The following DSCAML1 variants were observed in gnomAD, a reference collection of about 807,000 sequenced individuals.
DSCAML1 encodes DS cell adhesion molecule like 1.
In DSCAML1, 38 loss-of-function variants were observed where a neutral mutation model predicts 200.5. That is an observed-to-expected ratio of 0.19 (90% confidence interval 0.15 to 0.25). The LOEUF is 0.25. DSCAML1 is among the 10% of genes least tolerant of loss of function. The pLI, the probability that DSCAML1 is intolerant of heterozygous loss-of-function variation, is 1.00. For synonymous variants in DSCAML1, 1,215 were observed against 1,165.0 expected, an observed-to-expected ratio of 1.04 and a Z score of -0.87; for missense variants, 2,223 against 2,858.8, an observed-to-expected ratio of 0.78 and a Z score of 5.07.
intron 3 of DSCAML1, among the ~76,000 whole-genome samples, chr11:117,717,238 T>G (rs1464546788): frequency 6.6e-6 from 1 of 152,182 alleles, no homozygotes; most frequent in Non-Finnish European, 1.5e-5. Context: ...CTGGGGCTCC[T>G]GTGCCCACCC....
intron 1 of DSCAML1, among the ~76,000 whole-genome samples, chr11:117,814,867 A>G (rs1252925911): frequency 6.6e-6 from 1 of 152,120 alleles, no homozygotes; most frequent in African/African-American, 2.4e-5. Context: ...TGATTTTATT[A>G]GCTGTGTTGG....
chr11:117,816,476 G>A (rs980615573), intron 1 of DSCAML1, among the ~76,000 whole-genome samples: 12 of 152,192 alleles, frequency 7.9e-5, no homozygotes, highest in Admixed American at 6.5e-4. Context: ...CAGATTACCC[G>A]CCCCAGAGGC....
chr11:117,701,452 T>G (rs1043631979), intron 3 of DSCAML1, among the ~76,000 whole-genome samples: 3 of 152,002 alleles, frequency 2.0e-5, no homozygotes, highest in African/African-American at 7.3e-5. Flanking sequence ...AAATCCCAAT[T>G]AACACTTCTG....
In DSCAML1 at chr11:117,431,035, TG is replaced by T; in HGVS notation, c.5375-3del. ...ACACCATGCTGTTCCTTCCTTTGTC[TG>T]GGGAGTTAAGAGGAAAGGGGTGGGT... is the stretch of plus-strand genomic sequence containing the variant. On this transcript the variant is annotated splice_polypyrimidine_tract_variant and splice_region_variant and intron_variant, in intron 31 of 32. Coordinates refer to ENST00000651296, the MANE Select transcript of DSCAML1 (RefSeq NM_020693.4). 1 of 1,608,216 alleles carries T rather than the reference TG, an allele frequency of 6.2e-7. No individual in the cohort carries two copies. Among genetic ancestry groups the T allele is most frequent in the Non-Finnish European group, 8.5e-7 (1 of 1,176,716 alleles).
chr11:117,813,246 C>T (rs1333454173), intron 1 of DSCAML1, among the ~76,000 whole-genome samples: 3 of 152,230 alleles, frequency 2.0e-5, no homozygotes, highest in Non-Finnish European at 4.4e-5. Flanking sequence ...CCCATTTAAC[C>T]TCCTGTATAG....
intron 15 of DSCAML1, among the ~76,000 whole-genome samples, chr11:117,470,358 G>A (rs1375548101): frequency 2.0e-5 from 3 of 152,052 alleles, no homozygotes; most frequent in Non-Finnish European, 2.9e-5. Flanking sequence ...GGCGGATCAC[G>A]AGGTCAGGAG....
Position 117,624,492 on chromosome 11 carries a change from GCAC to G in DSCAML1, c.512-91973_512-91971del, listed in dbSNP as rs1450841979. Reference sequence around the variant, plus strand: ...GCATTACAAGTTTAAAGCATCAGGTGCACTTGGATTTGGCCCTTTTGGGTTTTG... The same window carrying G: ...GCATTACAAGTTTAAAGCATCAGGTGTTGGATTTGGCCCTTTTGGGTTTTG... On this transcript the variant is annotated intron_variant, in intron 3 of 32. Coordinates refer to ENST00000651296, the MANE Select transcript of DSCAML1 (RefSeq NM_020693.4). 2.0e-5 allele frequency among the ~76,000 whole-genome samples: 3 copies of G among 152,280 alleles called. No homozygotes were observed. In the East Asian group the frequency reaches 5.8e-4, roughly 29 times the overall value.
rs189404500 is a variant in DSCAML1, at chr11:117,507,128, A to T, written c.1784-1396T>A. 8.9e-3 allele frequency among the ~76,000 whole-genome samples: 1,357 copies of T among 152,330 alleles called. 72 individuals are homozygous for T. Among genetic ancestry groups the T allele is most frequent in the Admixed American group, 0.08 (1,228 of 15,302 alleles). On this transcript the variant is annotated intron_variant, in intron 8 of 32. Coordinates refer to ENST00000651296, the MANE Select transcript of DSCAML1 (RefSeq NM_020693.4). ...CCATTATCTTTATGATAACTCAATT[A>T]GGCTGCAGCGACTTCCCCAGCAAGT... is the stretch of plus-strand genomic sequence containing the variant.
At chr11:117,577,462 CTT>C (rs2050957152) in intron 3 of DSCAML1, among the ~76,000 whole-genome samples, 2 of 30,834 alleles carry the variant, frequency 6.5e-5, no homozygotes, top group Non-Finnish European at 1.4e-4. Flanking sequence ...CCTTCCTTTC[CTT>C]CCTTCCTTCC....
In DSCAML1 at chr11:117,505,928, G is replaced by A. The variant is rs978061329; in HGVS notation, c.1784-196C>T. ...TCCTGTCCCTCTGCCCGCCCAGGCT[G>A]GGACCCACTGTCTCTGTTCAGGGCC... On this transcript the variant is annotated intron_variant, in intron 8 of 32. Transcript: ENST00000651296. This position sits in a 1 kb window ranked among gnomAD's most constrained non-coding sequence, Gnocchi z 6.7. Among the ~76,000 whole-genome samples the A allele has an allele frequency of 6.6e-6, 1 of 152,216 alleles. No homozygotes were observed. Among genetic ancestry groups the A allele is most frequent in the Non-Finnish European group, 1.5e-5 (1 of 68,044 alleles).
intron 3 of DSCAML1, among the ~76,000 whole-genome samples, chr11:117,769,231 TTATATATTTTATATATGTATATATTA>T (rs1419692377): frequency 1.1e-4 from 4 of 36,974 alleles, no homozygotes; most frequent in African/African-American, 4.4e-4. Context: ...ATTGTATATA[TTATATATTTTATATATGTATATATTA>T]TATATTTTAT....
intron 5 of DSCAML1, among the ~76,000 whole-genome samples, chr11:117,523,887 T>C (rs2049925102): frequency 6.6e-6 from 1 of 152,226 alleles, no homozygotes; most frequent in South Asian, 2.1e-4. Flanking sequence ...TCATGAGGCA[T>C]GGCATTTCCT....
chr11:117,679,487 A>T (rs2053276100), intron 3 of DSCAML1, among the ~76,000 whole-genome samples: 1 of 152,202 alleles, frequency 6.6e-6, no homozygotes, highest in African/African-American at 2.4e-5. Context: ...TGCTTTTTCC[A>T]GCCCTTGGTG....
intron 3 of DSCAML1, among the ~76,000 whole-genome samples, chr11:117,587,364 C>T (rs2051167725): frequency 6.6e-6 from 1 of 151,860 alleles, no homozygotes; most frequent in Non-Finnish European, 1.5e-5. Context: ...AAGGTGGCAG[C>T]CGCAGGGCTC....
chr11:117,534,040 C>T (rs1390186324), intron 3 of DSCAML1, among the ~76,000 whole-genome samples: 2 of 152,206 alleles, frequency 1.3e-5, no homozygotes, highest in African/African-American at 2.4e-5. Context: ...ACAGGAAGAA[C>T]CCGATAGCAC....
chr11:117,555,320 T>C (rs80350215), intron 3 of DSCAML1, among the ~76,000 whole-genome samples: 2,347 of 152,348 alleles, frequency 0.015, 37 homozygotes, highest in East Asian at 0.083. Context: ...ATCAGGCAGA[T>C]GGCAAGTGCT....
intron 3 of DSCAML1, among the ~76,000 whole-genome samples, chr11:117,760,742 C>T (rs187151235): frequency 6.6e-6 from 1 of 152,306 alleles, no homozygotes; most frequent in East Asian, 1.9e-4. Context: ...TCTCTCTCCC[C>T]TGAAGGGCAC....
At chr11:117,634,808 G>A (rs1342569260) in intron 3 of DSCAML1, among the ~76,000 whole-genome samples, 1 of 152,192 alleles carries the variant, frequency 6.6e-6, no homozygotes, top group African/African-American at 2.4e-5. Flanking sequence ...TTGGAGCTTG[G>A]ACATCCTGAG....
intron 3 of DSCAML1, among the ~76,000 whole-genome samples, chr11:117,716,896 G>A (rs1482740948): frequency 2.6e-5 from 4 of 152,100 alleles, no homozygotes; most frequent in Non-Finnish European, 5.9e-5. Flanking sequence ...GAGACCTTGT[G>A]GCTTGCACGG....
Sources: gnomAD v4.1 joint callset for allele counts (sites outside exome capture counted in the v4.1 genomes callset) on GRCh38, gnomAD v4.1.1 for gene constraint, Gnocchi (gnomAD v3.1) non-coding constraint, MANE v1.5 for transcripts, NCBI Gene and HGNC (gene_info 2026-07-23, HGNC 2026-07-21) for gene names.